The following CCDC158 variants were observed in gnomAD, a reference collection of about 807,000 sequenced individuals.
CCDC158 encodes the protein coiled-coil domain containing 158.
A neutral mutation model predicts 138.6 loss-of-function variants in CCDC158; 116 were observed. The ratio of observed to expected loss-of-function variants is 0.84; its 90% CI spans 0.72 to 0.98. The LOEUF is 0.98. CCDC158 is among the 50% of genes least tolerant of loss of function. The probability of loss-of-function intolerance (pLI) is 0.00; values close to 1 mark genes in which losing one functional copy is unlikely to be tolerated. For synonymous variants in CCDC158, 436 were observed against 442.4 expected (o/e 0.99, Z 0.18); for missense variants, 1,265 against 1,306.1 (o/e 0.97, Z 0.48).
intron 4 of CCDC158, among the ~76,000 whole-genome samples, chr4:76,386,061 A>G (rs1046936354): frequency 2.0e-5 from 3 of 152,226 alleles, no homozygotes; most frequent in Admixed American, 6.5e-5. Flanking sequence ...AAAGATGCAT[A>G]AAATATATCT....
Position 76,353,143 on chromosome 4 carries a change from T to C in CCDC158, c.2425A>G (p.Met809Val), listed in dbSNP as rs1332821938. The stretch of plus-strand genomic sequence containing the variant: ...ATTACCTTATCCAGAGCCACTTCCA[T>C]ATTAGTAACCTTTTCTTTCAAACGG... ...ERRLKEKVTNMEVALDKASLQ... is the reference protein window; with the variant it reads ...ERRLKEKVTNVEVALDKASLQ... Residue 809 changes from methionine to valine, a missense_variant, in exon 16 of 25, where the codon ATG becomes GTG. Coordinates refer to ENST00000682701, the MANE Select transcript of CCDC158 (RefSeq NM_001394954.1). 1 of 1,612,810 alleles carries C rather than the reference T, an allele frequency of 6.2e-7. No homozygotes were observed. The highest frequency in any genetic ancestry group is 8.5e-7 in the Non-Finnish European group (1 of 1,179,594).
intron 4 of CCDC158, among the ~76,000 whole-genome samples, chr4:76,387,025 C>T (rs1726861350): frequency 6.6e-6 from 1 of 152,110 alleles, no homozygotes; most frequent in Admixed American, 6.5e-5. Flanking sequence ...TAGGCAATTC[C>T]TAGTGCTAGG....
At chr4:76,372,977 T>C (rs929298228) in intron 9 of CCDC158, among the ~76,000 whole-genome samples, 5 of 152,110 alleles carry the variant, frequency 3.3e-5, no homozygotes, top group African/African-American at 1.2e-4. Flanking sequence ...GCCTCCCAAG[T>C]AGCTGGGATT....
At position 76,371,534 on chromosome 4, in the gene CCDC158, T is replaced by TG. The variant is rs763973736; in HGVS notation, c.1031dup (p.Glu345ArgfsTer16). On this transcript the variant is annotated frameshift_variant and splice_region_variant, in exon 10 of 25. Coordinates refer to ENST00000682701, the MANE Select transcript of CCDC158 (RefSeq NM_001394954.1). LOFTEE classifies it high-confidence loss of function. Reference sequence around the variant, plus strand: ...GGACTAACTGCTTTTCCAGCTCTTCTGTCTGAAAGGAAAGTACAAATTGAA... The same window carrying TG: ...GGACTAACTGCTTTTCCAGCTCTTCTGGTCTGAAAGGAAAGTACAAATTGAA... 1 of 1,614,070 alleles carries TG rather than the reference T, an allele frequency of 6.2e-7. No homozygotes were observed. Among genetic ancestry groups the TG allele is most frequent in the African/African-American group, 1.3e-5 (1 of 74,940 alleles).
At position 76,369,426 on chromosome 4, in the gene CCDC158, C is replaced by A; in HGVS notation, c.1347G>T (p.Gln449His). 1 of 1,613,902 alleles carries A rather than the reference C, an allele frequency of 6.2e-7. No homozygotes were observed. The highest frequency in any genetic ancestry group is 8.5e-7 in the Non-Finnish European group (1 of 1,179,988). The stretch of plus-strand genomic sequence containing the variant: ...TGGCACAGCCTGTGCAGGCACTGAC[C>A]TGCCGCTCCATCTGGCCCTGACACT... The part of the protein sequence containing the change: ...KSECQGQMER[Q>H]MAAIQGKNES... Residue 449 changes from glutamine to histidine, a missense_variant and splice_region_variant, in exon 11 of 25, where the codon CAG (glutamine) becomes CAT (histidine). By Grantham distance (24) the Gln-to-His change is conservative. Coordinates refer to ENST00000682701, the MANE Select transcript of CCDC158 (RefSeq NM_001394954.1).
intron 3 of CCDC158, among the ~76,000 whole-genome samples, chr4:76,397,070 G>A (rs2109836883): frequency 6.6e-6 from 1 of 152,286 alleles, no homozygotes; most frequent in South Asian, 2.1e-4. Context: ...GGGGCAAACT[G>A]GTGGTGGTTT....
chr4:76,393,783 G>GA lies in CCDC158; in HGVS notation c.288+2485dup, dbSNP rs538358827. ...ATAAGGAGCTCAAACAACTCTATAG[G>GA]AAAAAATCTAGTAATCTGATTAAAA... On this transcript the variant is annotated intron_variant, in intron 4 of 24. Transcript: ENST00000682701. Among the ~76,000 whole-genome samples the GA allele has an allele frequency of 1.8e-4, 28 of 151,970 alleles. No homozygotes were observed. The Middle Eastern group carries it at 0.02, about 111-fold the overall frequency.
chr4:76,321,585 AT>A (rs1720004850), intron 24 of CCDC158, among the ~76,000 whole-genome samples: 1 of 147,054 alleles, frequency 6.8e-6, no homozygotes, highest in Non-Finnish European at 1.5e-5. Context: ...CATGGTGTGT[AT>A]ATATATATAA....
chr4:76,314,069 A>G (rs1311474431), intron 24 of CCDC158, among the ~76,000 whole-genome samples: 2 of 152,214 alleles, frequency 1.3e-5, no homozygotes, highest in African/African-American at 4.8e-5. Context: ...TTCTTATAGA[A>G]TAAATTGCTA....
intron 24 of CCDC158, among the ~76,000 whole-genome samples, chr4:76,320,511 T>C (rs1233124928): frequency 3.3e-5 from 5 of 152,134 alleles, no homozygotes; most frequent in Admixed American, 6.5e-5. Flanking sequence ...AGAACAAATC[T>C]GGAGGCATCA....
At chr4:76,411,571 A>G (rs1301182161) in intron 2 of CCDC158, among the ~76,000 whole-genome samples, 1 of 152,236 alleles carries the variant, frequency 6.6e-6, no homozygotes, top group Non-Finnish European at 1.5e-5. Context: ...CACAGGGACT[A>G]TTATAATGTA....
chr4:76,367,824 T>C (rs774006546), intron 11 of CCDC158, 48 bp from the exon 12 acceptor site: 1 of 1,528,502 alleles, frequency 6.5e-7, no homozygotes, highest in Non-Finnish European at 8.8e-7. Context: ...AGGATAGGTA[T>C]AGGCAACCTC....
intron 3 of CCDC158, among the ~76,000 whole-genome samples, chr4:76,398,761 C>A (rs1213201843): frequency 1.0e-4 from 15 of 150,290 alleles, no homozygotes; most frequent in Admixed American, 1.0e-3. Context: ...TTTTAAAATT[C>A]TAGAATGGGG....
chr4:76,332,565 T>C (rs1721100440), intron 19 of CCDC158, 74 bp from the exon 20 acceptor site: 2 of 1,174,054 alleles, frequency 1.7e-6, no homozygotes, highest in African/African-American at 3.2e-5. Flanking sequence ...GACTAATCAA[T>C]TGCTTACATA....
intron 1 of CCDC158, among the ~76,000 whole-genome samples, chr4:76,418,638 C>G (rs1417565949): frequency 6.6e-6 from 1 of 152,144 alleles, no homozygotes; most frequent in East Asian, 1.9e-4. Flanking sequence ...AGAGCTTGTG[C>G]AGGGGGAGCT....
At chr4:76,362,395 A>T in intron 12 of CCDC158, 80 bp from the exon 13 acceptor site, 1 of 1,017,178 alleles carries the variant, frequency 9.8e-7, no homozygotes. Context: ...CTGCTAACAC[A>T]GTCCTAAAAT....
At chr4:76,322,523 T>C (rs1248424150) in intron 24 of CCDC158, among the ~76,000 whole-genome samples, 7 of 152,224 alleles carry the variant, frequency 4.6e-5, no homozygotes, top group African/African-American at 1.4e-4. Context: ...TAAGTGTAAA[T>C]AGCAACTATT....
chr4:76,401,424 A>G, intron 3 of CCDC158: 1 of 460,988 alleles, frequency 2.2e-6, no homozygotes, highest in South Asian at 1.7e-5. Flanking sequence ...ATTTTCTGGA[A>G]AAAGACTAAA....
At chr4:76,407,918 T>C (rs1728961981) in intron 2 of CCDC158, among the ~76,000 whole-genome samples, 1 of 152,158 alleles carries the variant, frequency 6.6e-6, no homozygotes, top group South Asian at 2.1e-4. Flanking sequence ...TTATTCATCA[T>C]AACTCACTAT....
Sources: allele counts gnomAD v4.1 joint callset (sites outside exome capture counted in the v4.1 genomes callset), GRCh38; gene constraint gnomAD v4.1.1; transcripts MANE v1.5; gene names NCBI Gene and HGNC (gene_info 2026-07-23, HGNC 2026-07-21).